ASB6: variants seen among roughly 807,000 people sequenced by gnomAD.
ASB6 encodes ankyrin repeat and SOCS box protein 6.
ASB6 carries 24 observed loss-of-function variants against 28.6 expected under a neutral mutation model. The ratio of observed to expected loss-of-function variants is 0.84; its 90% confidence interval spans 0.61 to 1.18. ASB6 has a LOEUF of 1.18. Ranked by LOEUF, ASB6 falls within the 50% of genes most tolerant of loss-of-function variation. The probability of loss-of-function intolerance (pLI) is 0.00; values close to 1 mark genes in which losing one functional copy is unlikely to be tolerated. For missense variants in ASB6, 519 were observed against 559.8 expected (o/e 0.93, Z 0.74); for synonymous variants, 267 against 243.4 (o/e 1.10, Z -0.90).
At position 129,639,303 on chromosome 9, in the gene ASB6, T is replaced by A. The variant is rs778569652; in HGVS notation, c.410A>T (p.Glu137Val). 2.5e-6 allele frequency: 4 copies of A among 1,611,322 alleles called. No individual in the cohort carries two copies. The highest frequency in any genetic ancestry group is 1.7e-6 in the Non-Finnish European group (2 of 1,178,160). ...GCTGGCCAGGTCCAAGGGGCTACTC[T>A]CGTGGATCTGAGCCAAGGAAGCACA... ...ADVNRRDRIH[E>V]SSPLDLASEE... Residue 137 changes from glutamate (E) to valine (V), a missense_variant, in exon 4 of 6, where the codon GAG becomes GTG. By Grantham distance (121) the Glu-to-Val change is moderately radical. Transcript: ENST00000277458.
In ASB6 at chr9:129,640,525, C is replaced by G. The variant is rs545994832; in HGVS notation, c.295+16G>C. ...CGCGTTTAAGCCACCTGCCCACCCCCGGGGCTCTCGCTGACCTTCAAAGTT... is the reference window on the plus strand; with the variant it reads ...CGCGTTTAAGCCACCTGCCCACCCCGGGGGCTCTCGCTGACCTTCAAAGTT... On this transcript the variant is annotated intron_variant, in intron 2 of 5. Transcript: ENST00000277458. 1.9e-6 allele frequency: 3 copies of G among 1,600,312 alleles called. No homozygotes were observed. The South Asian group carries it at 3.3e-5, about 18-fold the overall frequency.
In ASB6 at chr9:129,638,355, A is replaced by C. The variant is rs2119009363; in HGVS notation, c.701T>G (p.Met234Arg). Residue 234 changes from methionine (M) to arginine (R), a missense_variant, in exon 6 of 6, where the codon ATG becomes AGG. Physicochemically the swap from Met to Arg is moderately conservative, Grantham distance 91 (BLOSUM62 -1). Coordinates refer to ENST00000277458, the MANE Select transcript of ASB6 (RefSeq NM_017873.4). ...TVGGDKEEAQ[M>R]INRFCFQVTR... ...GACTTGGAAGCAGAAGCGGTTGATC[A>C]TCTGGGCCTCCTCTTTGTCCCCTCC... 1 of 1,613,376 alleles carries C rather than the reference A, an allele frequency of 6.2e-7. No homozygotes were observed. The highest frequency in any genetic ancestry group is 1.1e-5 in the South Asian group (1 of 91,084).
In ASB6 at chr9:129,638,282, G is replaced by C; in HGVS notation, c.774C>G (p.Ala258=). Residue 258 remains alanine, a synonymous_variant, in exon 6 of 6, where the codon GCC becomes GCG. Transcript: ENST00000277458. ...AHGADPSECP[A]HESLTHICLK... is the part of the protein sequence containing the mutation. Reference sequence around the variant, plus strand: ...GGCAGATGTGGGTGAGGGACTCGTGGGCTGGGCACTCGCTGGGGTCGGCCC... The same window carrying C: ...GGCAGATGTGGGTGAGGGACTCGTGCGCTGGGCACTCGCTGGGGTCGGCCC... The C allele has an allele frequency of 1.4e-5, 23 of 1,613,208 alleles. No homozygotes were observed. The highest frequency in any genetic ancestry group is 1.9e-5 in the Non-Finnish European group (22 of 1,180,034).
chr9:129,635,401 CGAGGA>C lies in ASB6; in HGVS notation c.*2384_*2388del, dbSNP rs776328397. On this transcript the variant is annotated 3_prime_UTR_variant, in exon 6 of 6. Coordinates refer to ENST00000277458, the MANE Select transcript of ASB6 (RefSeq NM_017873.4). ...GCAGTGCAGGCCTCAGCCTCCTGGC[CGAGGA>C]GAGGCAGGAGAACCTCCCCGATGAG... is the stretch of plus-strand genomic sequence containing the variant. 10 of 1,613,390 alleles carry C rather than the reference CGAGGA, an allele frequency of 6.2e-6. No individual in the cohort carries two copies. Among genetic ancestry groups the C allele is most frequent in the Non-Finnish European group, 8.5e-6 (10 of 1,179,826 alleles).
chr9:129,635,180 C>G lies in ASB6; in HGVS notation c.*2610G>C, dbSNP rs759624504. 1.9e-6 allele frequency: 3 copies of G among 1,594,624 alleles called. No homozygotes were observed. Among genetic ancestry groups the G allele is most frequent in the Non-Finnish European group, 2.6e-6 (3 of 1,174,246 alleles). On this transcript the variant is annotated 3_prime_UTR_variant, in exon 6 of 6. Transcript: ENST00000277458. ...TGCCGACATCCGCTTGCATGGTGCC[C>G]TGGTAACCTTGCCTCTGCCCTCCCC...
At position 129,637,836 on chromosome 9, in the gene ASB6, C is replaced by G; in HGVS notation, c.1220G>C (p.Trp407Ser). 1 of 1,522,516 alleles carries G rather than the reference C, an allele frequency of 6.6e-7. No individual in the cohort carries two copies. Among genetic ancestry groups the G allele is most frequent in the Non-Finnish European group, 8.8e-7 (1 of 1,135,990 alleles). 94.3% of individuals were successfully genotyped at this position (1,522,516 alleles called of 1,614,324 possible). A position where few individuals can be genotyped will look rare whatever the true frequency, so the allele number is the denominator to read the frequency against. ...GCCACTGTGCTCGCTAAGGAGGTAC[C>G]ACTTCAGCCTGTCGGGCAGAGGCAG... Reference protein sequence around the residue: ...KALPLPDRLKWYLLSEHSGSV... With the variant: ...KALPLPDRLKSYLLSEHSGSV... Residue 407 changes from tryptophan to serine, a missense_variant, in exon 6 of 6, where the codon TGG becomes TCG. Coordinates refer to ENST00000277458, the MANE Select transcript of ASB6 (RefSeq NM_017873.4).
At position 129,638,236 on chromosome 9, in the gene ASB6, A is replaced by C; in HGVS notation, c.820T>G (p.Phe274Val). 6.2e-7 allele frequency: 1 copy of C among 1,613,592 alleles called. No homozygotes were observed. Among genetic ancestry groups the C allele is most frequent in the Non-Finnish European group, 8.5e-7 (1 of 1,179,938 alleles). Residue 274 changes from phenylalanine (F) to valine (V), a missense_variant, in exon 6 of 6, where the codon TTC becomes GTC. Coordinates refer to ENST00000277458, the MANE Select transcript of ASB6 (RefSeq NM_017873.4). ...HICLKSFKLH[F>V]PLLRFLLESG... ...TCCAGGAGGAAGCGCAGGAGAGGGA[A>C]GTGCAGTTTAAAGCTCTTCAGGCAG... is the stretch of plus-strand genomic sequence containing the variant.
Position 129,635,579 on chromosome 9 carries a change from T to C in ASB6, c.*2211A>G, listed in dbSNP as rs1831505142. The C allele has an allele frequency of 2.4e-6, 3 of 1,247,214 alleles. No homozygotes were observed. The highest frequency in any genetic ancestry group is 3.3e-6 in the Non-Finnish European group (3 of 897,542). 77.3% of individuals were successfully genotyped at this position (1,247,214 alleles called of 1,614,324 possible). A position where few individuals can be genotyped will look rare whatever the true frequency, so the allele number is the denominator to read the frequency against. Reference sequence around the variant, plus strand: ...GTGAGTGTCGAGGCACCACTAAATATAGCTGTCTGCCGTCCACTCATTATG... The same window carrying C: ...GTGAGTGTCGAGGCACCACTAAATACAGCTGTCTGCCGTCCACTCATTATG... On this transcript the variant is annotated 3_prime_UTR_variant, in exon 6 of 6. Transcript: ENST00000277458.
chr9:129,640,602 C>T lies in ASB6; in HGVS notation c.234G>A (p.Glu78=), dbSNP rs1831672740. 1.9e-6 allele frequency: 3 copies of T among 1,613,678 alleles called. No individual in the cohort carries two copies. Among genetic ancestry groups the T allele is most frequent in the African/African-American group, 2.7e-5 (2 of 74,940 alleles). ...GVSNALLKMA[E]LGLTRAADVL... ...CGTCGGCCGCCCGCGTCAGCCCCAG[C>T]TCAGCCATCTTGAGCAGGGCGTTGC... is the stretch of plus-strand genomic sequence containing the variant. Residue 78 remains glutamate, a synonymous_variant, in exon 2 of 6, where the codon GAG becomes GAA. Coordinates refer to ENST00000277458, the MANE Select transcript of ASB6 (RefSeq NM_017873.4).
At chr9:129,639,148 C>T (rs1397090318) in intron 4 of ASB6, 54 bp downstream of exon 4, 82 of 1,531,006 alleles carry the variant, frequency 5.4e-5, no homozygotes, top group Non-Finnish European at 4.4e-6. Flanking sequence ...CTGGGTGTCC[C>T]CCACAAGGTG....
In ASB6 at chr9:129,638,387, C is replaced by T; in HGVS notation, c.669G>A (p.Glu223=). The change falls in exon 6 of 6, where the codon GAG becomes GAA. Residue 223 remains glutamate, a synonymous_variant. Transcript: ENST00000277458. ...CCTCCTCTTTGTCCCCTCCCACGGT[C>T]TCACCAAGCAGGAAGATGATGCAGG... ...VFTCIIFLLG[E]TVGGDKEEAQ... is the part of the protein sequence containing the mutation. 2 of 1,613,766 alleles carry T rather than the reference C, an allele frequency of 1.2e-6. No individual in the cohort carries two copies. The highest frequency in any genetic ancestry group is 1.1e-5 in the South Asian group (1 of 91,076).
Position 129,638,338 on chromosome 9 carries a change from A to G in ASB6, c.718T>C (p.Phe240Leu), listed in dbSNP as rs959192171. 35 of 1,612,854 alleles carry G rather than the reference A, an allele frequency of 2.2e-5. No individual in the cohort carries two copies. Among genetic ancestry groups the G allele is most frequent in the Non-Finnish European group, 2.7e-5 (32 of 1,180,030 alleles). The change falls in exon 6 of 6, where the codon TTC becomes CTC. Residue 240 changes from phenylalanine (F) to leucine (L), a missense_variant. Coordinates refer to ENST00000277458, the MANE Select transcript of ASB6 (RefSeq NM_017873.4). The stretch of plus-strand genomic sequence containing the variant: ...GCCAGCAGCAGCCGTGTGACTTGGA[A>G]GCAGAAGCGGTTGATCATCTGGGCC... ...EEAQMINRFC[F>L]QVTRLLLAHG...
Position 129,638,326 on chromosome 9 carries a change from G to C in ASB6, c.730C>G (p.Arg244Gly). Residue 244 changes from arginine to glycine, a missense_variant, in exon 6 of 6, where the codon CGG becomes GGG. Physicochemically the swap from Arg to Gly is moderately radical, Grantham distance 125 (BLOSUM62 -2). Transcript: ENST00000277458. Reference protein sequence around the residue: ...MINRFCFQVTRLLLAHGADPS... With the variant: ...MINRFCFQVTGLLLAHGADPS... Reference sequence around the variant, plus strand: ...TCGGCCCCGTGTGCCAGCAGCAGCCGTGTGACTTGGAAGCAGAAGCGGTTG... The same window carrying C: ...TCGGCCCCGTGTGCCAGCAGCAGCCCTGTGACTTGGAAGCAGAAGCGGTTG... 1 of 1,612,822 alleles carries C rather than the reference G, an allele frequency of 6.2e-7. No individual in the cohort carries two copies. Among genetic ancestry groups the C allele is most frequent in the Non-Finnish European group, 8.5e-7 (1 of 1,180,032 alleles).
rs1355589096 is a variant in ASB6 at position 129,639,424 on chromosome 9, G to GC, written c.379dup (p.Ala127GlyfsTer4). ...TACCCGGTCCCTCCGATTAACGTCG[G>GC]CCCCGTGATGCACCAGCAGCTCCAC... On this transcript the variant is annotated frameshift_variant, in exon 3 of 6. Transcript: ENST00000277458. LOFTEE classifies it high-confidence loss of function. The GC allele has an allele frequency of 9.3e-6, 15 of 1,613,222 alleles. No homozygotes were observed. Among genetic ancestry groups the GC allele is most frequent in the Non-Finnish European group, 1.3e-5 (15 of 1,179,534 alleles).
rs3739851 is a variant in ASB6, at chr9:129,638,201, G to A, written c.855C>T (p.Ala285=). The A allele has an allele frequency of 0.57, 914,733 of 1,612,696 alleles. 263,248 individuals carry two copies. Among genetic ancestry groups the A allele is most frequent in the Non-Finnish European group, 0.6 (706,829 of 1,179,392 alleles). The part of the protein sequence containing the change: ...PLLRFLLESG[A]AYNCSLHGAS... Reference sequence around the variant, plus strand: ...CACCGTGCAGGGAGCAGTTGTAGGCGGCTCCGGACTCCAGGAGGAAGCGCA... The same window carrying A: ...CACCGTGCAGGGAGCAGTTGTAGGCAGCTCCGGACTCCAGGAGGAAGCGCA... The change falls in exon 6 of 6, where the codon GCC becomes GCT. Residue 285 remains alanine (A), a synonymous_variant. Transcript: ENST00000277458.
In ASB6 at chr9:129,640,595, G is replaced by GC. The variant is rs1189687576; in HGVS notation, c.240dup (p.Leu81AlafsTer18). On this transcript the variant is annotated frameshift_variant, in exon 2 of 6. Transcript: ENST00000277458. LOFTEE classifies it high-confidence loss of function. ...AAGAGAACGTCGGCCGCCCGCGTCA[G>GC]CCCCAGCTCAGCCATCTTGAGCAGG... 16 of 1,613,392 alleles carry GC rather than the reference G, an allele frequency of 9.9e-6. No individual in the cohort carries two copies. The highest frequency in any genetic ancestry group is 1.3e-5 in the Non-Finnish European group (15 of 1,179,920).
intron 3 of ASB6, 34 bp from the exon 4 acceptor site, chr9:129,639,344 G>A (rs775717676): frequency 1.2e-5 from 20 of 1,602,392 alleles, no homozygotes; most frequent in Non-Finnish European, 1.5e-5. Context: ...GTTGGCTTGG[G>A]AAGCTGCTCA....
intron 2 of ASB6, chr9:129,640,329 G>T: frequency 1.8e-6 from 1 of 566,366 alleles, no homozygotes. Context: ...AGCAACACTC[G>T]CTCTTGGAAC....
Position 129,639,271 on chromosome 9 carries a change from G to A in ASB6, c.442C>T (p.Pro148Ser). ...CGCTGCAGGCAGGGCAGGCGCTCAGGCTCCTCGCTGGCCAGGTCCAAGGGG... is the reference window on the plus strand; with the variant it reads ...CGCTGCAGGCAGGGCAGGCGCTCAGACTCCTCGCTGGCCAGGTCCAAGGGG... Reference protein sequence around the residue: ...SSPLDLASEEPERLPCLQRLL... With the variant: ...SSPLDLASEESERLPCLQRLL... The change falls in exon 4 of 6, where the codon CCT becomes TCT. Residue 148 changes from proline (P) to serine (S), a missense_variant. Physicochemically the swap from Pro to Ser is moderately conservative, Grantham distance 74 (BLOSUM62 -1). Coordinates refer to ENST00000277458, the MANE Select transcript of ASB6 (RefSeq NM_017873.4). The A allele has an allele frequency of 6.2e-7, 1 of 1,612,820 alleles. No individual in the cohort carries two copies. Among genetic ancestry groups the A allele is most frequent in the Non-Finnish European group, 8.5e-7 (1 of 1,179,630 alleles).
Sources: allele counts gnomAD v4.1 joint callset, GRCh38; gene constraint gnomAD v4.1.1; transcripts MANE v1.5; gene names NCBI Gene and HGNC (gene_info 2026-07-23, HGNC 2026-07-21).